The following TLE4 variants were observed in gnomAD, a reference collection of about 807,000 sequenced individuals.
TLE4 encodes transducin-like enhancer protein 4.
A neutral mutation model predicts 92.8 loss-of-function variants in TLE4; 8 were observed. The ratio of observed to expected loss-of-function variants is 0.09; its 90% confidence interval spans 0.05 to 0.16. The LOEUF (loss-of-function observed/expected upper bound fraction) is 0.16, where lower values mean the gene tolerates loss of function less well. Ranked by LOEUF, TLE4 falls within the 10% of genes least tolerant of loss-of-function variation. The pLI is 1.00. For missense variants in TLE4, 675 were observed against 997.6 expected (o/e 0.68, Z 4.36); for synonymous variants, 371 against 374.1 (o/e 0.99, Z 0.10).
intron 8 of TLE4, among the ~76,000 whole-genome samples, chr9:79,701,848 A>T (rs2070001045): frequency 6.6e-6 from 1 of 152,324 alleles, no homozygotes; most frequent in South Asian, 2.1e-4. Flanking sequence ...TCATGATGCT[A>T]GGTGCCCCAC....
intron 8 of TLE4, among the ~76,000 whole-genome samples, chr9:79,699,588 C>T (rs376332386): frequency 3.3e-5 from 5 of 152,090 alleles, no homozygotes; most frequent in East Asian, 1.9e-4. Context: ...CCTTTTGTAC[C>T]GTGTGGATAC....
chr9:79,618,704 C>T (rs1421136201), intron 5 of TLE4, among the ~76,000 whole-genome samples: 1 of 152,106 alleles, frequency 6.6e-6, no homozygotes, highest in East Asian at 1.9e-4. Flanking sequence ...AGCCGAGCTG[C>T]TCAGAGGCTG....
At chr9:79,668,125 C>T (rs1351876470) in intron 8 of TLE4, among the ~76,000 whole-genome samples, 4 of 152,204 alleles carry the variant, frequency 2.6e-5, no homozygotes, top group Non-Finnish European at 4.4e-5. Context: ...GTGGTATTGA[C>T]CCATCTAGTT....
intron 5 of TLE4, among the ~76,000 whole-genome samples, chr9:79,626,703 CTGTCCGTCCT>C (rs1398491835): frequency 6.6e-5 from 10 of 152,142 alleles, no homozygotes; most frequent in Admixed American, 6.5e-4. Context: ...TTTTCCTGTA[CTGTCCGTCCT>C]AGTTTTTCTA....
intron 14 of TLE4, among the ~76,000 whole-genome samples, chr9:79,713,806 G>A (rs2073901040): frequency 6.6e-6 from 1 of 151,720 alleles, no homozygotes; most frequent in South Asian, 2.1e-4. Flanking sequence ...CCTGGTTCAG[G>A]ACCCCCAGTA....
At chr9:79,636,397 A>G (rs1246861314) in intron 6 of TLE4, among the ~76,000 whole-genome samples, 1 of 152,160 alleles carries the variant, frequency 6.6e-6, no homozygotes. Context: ...AAGATTCTTC[A>G]TGAGCTGACC....
chr9:79,588,346 C>T (rs1478828448), intron 4 of TLE4, among the ~76,000 whole-genome samples: 1 of 152,078 alleles, frequency 6.6e-6, no homozygotes, highest in East Asian at 1.9e-4. Context: ...GACGGGGTTT[C>T]ACCATGTTGG....
chr9:79,613,448 C>T (rs1005872811), intron 5 of TLE4, among the ~76,000 whole-genome samples: 1 of 151,792 alleles, frequency 6.6e-6, no homozygotes, highest in African/African-American at 2.4e-5. Context: ...TTTTTTTTCT[C>T]TCCCTGCTTA....
Position 79,704,620 on chromosome 9 carries a change from G to T in TLE4, c.610-163G>T. 5 of 868,896 alleles carry T rather than the reference G, an allele frequency of 5.8e-6. No homozygotes were observed. In the South Asian group the frequency reaches 6.4e-5, roughly 11 times the overall value. The allele number at this position is 868,896 out of a possible 1,614,324, so 53.8% of individuals were successfully genotyped here. ...TACTTGTCTTTCCCTTTATATCCCTGTTTTCTTCCTTTCGTCTCCTCCGCT... is the reference window on the plus strand; with the variant it reads ...TACTTGTCTTTCCCTTTATATCCCTTTTTTCTTCCTTTCGTCTCCTCCGCT... On this transcript the variant is annotated intron_variant, in intron 8 of 19. Transcript: ENST00000376552.
chr9:79,666,608 A>G (rs989718684), intron 8 of TLE4, among the ~76,000 whole-genome samples: 4 of 152,246 alleles, frequency 2.6e-5, no homozygotes, highest in Non-Finnish European at 4.4e-5. Context: ...GTAAATAGCC[A>G]TAATTCTTGA....
At chr9:79,685,985 C>A (rs1005592113) in intron 8 of TLE4, among the ~76,000 whole-genome samples, 9 of 151,430 alleles carry the variant, frequency 5.9e-5, no homozygotes, top group African/African-American at 1.7e-4. Context: ...AAAAAAAATA[C>A]AATAAAAAGT....
At chr9:79,649,843 A>T in intron 6 of TLE4, 3 of 1,365,844 alleles carry the variant, frequency 2.2e-6, no homozygotes, top group Non-Finnish European at 2.9e-6. Context: ...AAAGTGACAC[A>T]CCTGGATCAT....
Position 79,708,526 on chromosome 9 carries a change from G to A in TLE4, c.1070-67G>A, listed in dbSNP as rs186054917. ...AACCATAGATTCTATTTTGTGACAT[G>A]TTTACAAATGTCTTCACTGTTGTTT... is the stretch of plus-strand genomic sequence containing the variant. On this transcript the variant is annotated intron_variant, in intron 12 of 19. Transcript: ENST00000376552. 2.9e-4 allele frequency: 415 copies of A among 1,427,370 alleles called. 1 individual carries two copies. The African/African-American group carries it at 4.9e-3, about 17-fold the overall frequency. 88.4% of individuals were successfully genotyped at this position (1,427,370 alleles called of 1,614,324 possible). A position where few individuals can be genotyped will look rare whatever the true frequency, so the allele number is the denominator to read the frequency against.
At chr9:79,675,851 G>T (rs560811364) in intron 8 of TLE4, among the ~76,000 whole-genome samples, 44 of 152,158 alleles carry the variant, frequency 2.9e-4, no homozygotes, top group East Asian at 1.4e-3. Flanking sequence ...TTGGATTTTG[G>T]TTTTTTTCAG....
At chr9:79,609,773 T>C (rs1259562798) in intron 4 of TLE4, among the ~76,000 whole-genome samples, 1 of 152,026 alleles carries the variant, frequency 6.6e-6, no homozygotes, top group African/African-American at 2.4e-5. Flanking sequence ...TATTTCAGAA[T>C]CCCTGCCTGT....
rs142599473 is a variant in TLE4 at position 79,601,650 on chromosome 9, T to C, written c.253-11006T>C. 2.8e-4 allele frequency: 102 copies of C among 368,272 alleles called. No individual in the cohort carries two copies. The Middle Eastern group carries it at 4.0e-3, about 14-fold the overall frequency. The allele number at this position is 368,272 out of a possible 1,614,324, so 22.8% of individuals were successfully genotyped here. ...CCCATCAGACAGCAAACTTAATTAA[T>C]GTGTGTGTTCTGACTGCTTCATGCT... On this transcript the variant is annotated intron_variant, in intron 4 of 19. Transcript: ENST00000376552.
chr9:79,613,632 C>T, intron 5 of TLE4, among the ~76,000 whole-genome samples: 1 of 152,106 alleles, frequency 6.6e-6, no homozygotes, highest in East Asian at 1.9e-4. Flanking sequence ...TGAGAAGGCA[C>T]AGAGGCACTT....
chr9:79,622,966 T>C (rs1490528979), intron 5 of TLE4, among the ~76,000 whole-genome samples: 3 of 152,210 alleles, frequency 2.0e-5, no homozygotes, highest in Non-Finnish European at 4.4e-5. Context: ...TCCTAGTTTA[T>C]TTTGTTTCAT....
intron 5 of TLE4, among the ~76,000 whole-genome samples, chr9:79,622,799 T>TG (rs1379616398): frequency 6.6e-6 from 1 of 152,194 alleles, no homozygotes; most frequent in Non-Finnish European, 1.5e-5. Flanking sequence ...GGAAGTGCGC[T>TG]GGCCATTTCC....
Sources: gnomAD v4.1 joint callset for allele counts (sites outside exome capture counted in the v4.1 genomes callset) on GRCh38, gnomAD v4.1.1 for gene constraint, MANE v1.5 for transcripts, NCBI Gene and HGNC (gene_info 2026-07-23, HGNC 2026-07-21) for gene names.